The following PLEKHG5 variants were observed in gnomAD, a reference collection of about 807,000 sequenced individuals.
The protein encoded by PLEKHG5 is pleckstrin homology and RhoGEF domain containing G5.
Under a neutral mutation model 103.8 loss-of-function variants are expected in PLEKHG5, and 52 were observed. The observed-to-expected ratio is 0.50, with a 90% confidence interval of 0.40 to 0.63. The LOEUF is 0.63. Ranked by LOEUF, PLEKHG5 falls within the 30% of genes least tolerant of loss-of-function variation. PLEKHG5 has a pLI of 0.00. For synonymous variants in PLEKHG5, 592 were observed against 575.5 expected (o/e 1.03, Z -0.41); for missense variants, 1,205 against 1,347.6 (o/e 0.89, Z 1.66).
At chr1:6,494,118 A>ATTTTTTTT (rs36105555), upstream of PLEKHG5, among the ~76,000 whole-genome samples, 53 of 75,742 alleles carry the variant, frequency 7.0e-4, no homozygotes, top group African/African-American at 5.1e-3. Flanking sequence ...CACCTGGCTA[A>ATTTTTTTT]TTTTTTTTTT....
At position 6,486,634 on chromosome 1, in the gene PLEKHG5, C is replaced by T. The variant is rs1484336197; in HGVS notation, c.-88+5003G>A. On this transcript the variant is annotated intron_variant, in intron 1 of 20. Coordinates refer to ENST00000377728, the MANE Select transcript of PLEKHG5 (RefSeq NM_020631.6). The surrounding 1 kb of genome is among the most constrained non-coding windows in gnomAD (Gnocchi z 5.3). Reference sequence around the variant, plus strand: ...AGGTCCCTGCAGTTCTAGGCCAGGTCCCCACCGCCAGGGGGCACTCAGCAA... The same window carrying T: ...AGGTCCCTGCAGTTCTAGGCCAGGTTCCCACCGCCAGGGGGCACTCAGCAA... Among the ~76,000 whole-genome samples the T allele has an allele frequency of 6.6e-6, 1 of 152,184 alleles. No individual in the cohort carries two copies. The highest frequency in any genetic ancestry group is 2.4e-5 in the African/African-American group (1 of 41,434).
chr1:6,508,327 T>C (rs4908554), intron 1 of PLEKHG5, among the ~76,000 whole-genome samples: 82,965 of 152,086 alleles, frequency 0.55, 23,913 homozygotes, highest in Admixed American at 0.67. Context: ...TCCCTCTGCC[T>C]CCAAATGTGC....
chr1:6,477,755 C>A, intron 1 of PLEKHG5, 97 bp from the exon 2 acceptor site: 1 of 1,341,268 alleles, frequency 7.5e-7, no homozygotes, highest in African/African-American at 1.5e-5. Context: ...AACTGCCCTC[C>A]ATCTCTCGAT....
At position 6,505,340 on chromosome 1, in the gene PLEKHG5, G is replaced by C. The variant is rs1000672637; in HGVS notation, c.-164-8771C>G. Among the ~76,000 whole-genome samples the C allele has an allele frequency of 2.0e-5, 3 of 152,062 alleles. No individual in the cohort carries two copies. The highest frequency in any genetic ancestry group is 7.3e-5 in the African/African-American group (3 of 41,378). On this transcript the variant is annotated intron_variant, in intron 1 of 21. Transcript: ENST00000377740. This position sits in a 1 kb window ranked among gnomAD's most constrained non-coding sequence, Gnocchi z 4.2. Reference sequence around the variant, plus strand: ...ACCAGCTGAGCTGAGCGGACAGAATGGGCATCCGACAGCCAGCACAGGTGC... The same window carrying C: ...ACCAGCTGAGCTGAGCGGACAGAATCGGCATCCGACAGCCAGCACAGGTGC...
intron 12 of PLEKHG5, 104 bp from the exon 13 acceptor site, chr1:6,471,204 C>A: frequency 1.0e-6 from 1 of 957,238 alleles, no homozygotes; most frequent in Non-Finnish European, 1.6e-6. Flanking sequence ...CTTGGGCGAC[C>A]ACCCCAAGGG....
chr1:6,498,504 C>T (rs1569982049), upstream of PLEKHG5, among the ~76,000 whole-genome samples: 1 of 152,238 alleles, frequency 6.6e-6, no homozygotes, highest in East Asian at 1.9e-4. Context: ...CTGAGGATCC[C>T]CATGAGCCAA....
rs547409133 is a variant in PLEKHG5 at position 6,467,462 on chromosome 1, T to C, written c.*101A>G. 1 of 1,145,966 alleles carries C rather than the reference T, an allele frequency of 8.7e-7. No homozygotes were observed. The highest frequency in any genetic ancestry group is 1.7e-5 in the Admixed American group (1 of 59,442). The allele number at this position is 1,145,966 out of a possible 1,614,324, so 71.0% of individuals were successfully genotyped here. ...GGGATCCTGCCCAGCATCCGGCTCATGCATACAGGAGGCAGTAGCTGAAGC... is the reference window on the plus strand; with the variant it reads ...GGGATCCTGCCCAGCATCCGGCTCACGCATACAGGAGGCAGTAGCTGAAGC... On this transcript the variant is annotated 3_prime_UTR_variant, in exon 21 of 21. Coordinates refer to ENST00000377728, the MANE Select transcript of PLEKHG5 (RefSeq NM_020631.6).
At chr1:6,516,903 T>C (rs370301146) in intron 1 of PLEKHG5, among the ~76,000 whole-genome samples, 187 of 10,320 alleles carry the variant, frequency 0.018, 1 homozygote, top group East Asian at 0.049. Context: ...TATATATATA[T>C]ATACACACAC....
At chr1:6,483,378 G>A (rs1644947856) in intron 1 of PLEKHG5, among the ~76,000 whole-genome samples, 1 of 152,208 alleles carries the variant, frequency 6.6e-6, no homozygotes, top group Admixed American at 6.5e-5. Flanking sequence ...TGTGGGGCTT[G>A]AAGTGAGGGT....
At position 6,511,491 on chromosome 1, in the gene PLEKHG5, G is replaced by A. The variant is rs908080122; in HGVS notation, c.-165+7954C>T. On this transcript the variant is annotated intron_variant, in intron 1 of 21. Transcript: ENST00000377740. ...GGAGCCTGGCAAGCCCGAGAGAAAC[G>A]TCTGAAGGGGGCTGGCGGTCACCCA... Among the ~76,000 whole-genome samples, 7 of 152,368 alleles carry A rather than the reference G, an allele frequency of 4.6e-5. No individual in the cohort carries two copies. The South Asian group carries it at 6.2e-4, about 14-fold the overall frequency.
intron 1 of PLEKHG5, among the ~76,000 whole-genome samples, chr1:6,503,621 G>A (rs931708859): frequency 1.3e-5 from 2 of 152,266 alleles, no homozygotes; most frequent in South Asian, 4.1e-4. Flanking sequence ...TGCTGGCCAG[G>A]TTGGTCTTGA....
At position 6,473,052 on chromosome 1, in the gene PLEKHG5, G is replaced by T. The variant is rs111624565; in HGVS notation, c.918C>A (p.Asp306Glu). The T allele has an allele frequency of 8.1e-6, 13 of 1,613,904 alleles. No homozygotes were observed. Among genetic ancestry groups the T allele is most frequent in the Non-Finnish European group, 1.0e-5 (12 of 1,179,898 alleles). ...HDSWEEEYDE[D>E]EDEDNACLRL... Reference sequence around the variant, plus strand: ...TCAGGCAGGCATTGTCCTCATCCTCGTCTTCATCGTACTCCTCCTCCCAGG... The same window carrying T: ...TCAGGCAGGCATTGTCCTCATCCTCTTCTTCATCGTACTCCTCCTCCCAGG... The change falls in exon 9 of 21, where the codon GAC (aspartate) becomes GAA (glutamate). Residue 306 changes from aspartate (D) to glutamate (E), a missense_variant. Coordinates refer to ENST00000377728, the MANE Select transcript of PLEKHG5 (RefSeq NM_020631.6).
chr1:6,490,779 T>A lies in PLEKHG5; in HGVS notation c.-88+858A>T, dbSNP rs1226226633. On this transcript the variant is annotated intron_variant, in intron 1 of 20. Coordinates refer to ENST00000377728, the MANE Select transcript of PLEKHG5 (RefSeq NM_020631.6). This position sits in a 1 kb window ranked among gnomAD's most constrained non-coding sequence, Gnocchi z 8.0. ...CAGGATCCGGGCTCAGGGGAGGGGG[T>A]GGGGGGCGTCACTGTCCCCGAGGGG... Among the ~76,000 whole-genome samples, 1 of 146,938 alleles carries A rather than the reference T, an allele frequency of 6.8e-6. No individual in the cohort carries two copies. The highest frequency in any genetic ancestry group is 1.5e-5 in the Non-Finnish European group (1 of 66,720).
rs751158651 is a variant in PLEKHG5 at position 6,467,999 on chromosome 1, G to A, written c.2837C>T (p.Ala946Val). 12 of 1,552,938 alleles carry A rather than the reference G, an allele frequency of 7.7e-6. No individual in the cohort carries two copies. Among genetic ancestry groups the A allele is most frequent in the Non-Finnish European group, 9.6e-6 (11 of 1,151,094 alleles). The change falls in exon 20 of 21, where the codon GCC becomes GTC. Residue 946 changes from alanine (A) to valine (V), a missense_variant. Physicochemically the swap from Ala to Val is moderately conservative, Grantham distance 64. Transcript: ENST00000377728. ...CCTGTGGGAGCCTGCAGGTTCCCCGGCCAGGCAGCCGACTAGCCCAGGACC... is the reference window on the plus strand; with the variant it reads ...CCTGTGGGAGCCTGCAGGTTCCCCGACCAGGCAGCCGACTAGCCCAGGACC... ...GSGPGLVGCL[A>V]GEPAGSHRKR...
chr1:6,496,188 C>T (rs1373533465), upstream of PLEKHG5, among the ~76,000 whole-genome samples: 12 of 152,224 alleles, frequency 7.9e-5, no homozygotes, highest in Non-Finnish European at 1.5e-4. Flanking sequence ...TTTCCTCATC[C>T]GTGACATAAG....
chr1:6,474,841 A>C (rs1421411098), intron 5 of PLEKHG5: 2 of 671,386 alleles, frequency 3.0e-6, no homozygotes, highest in Non-Finnish European at 5.4e-6. Context: ...TCCTGCATAC[A>C]TGATTAAAAT....
At chr1:6,480,300 G>A (rs1644866197) in intron 1 of PLEKHG5, among the ~76,000 whole-genome samples, 1 of 151,890 alleles carries the variant, frequency 6.6e-6, no homozygotes, top group Middle Eastern at 3.2e-3. Context: ...AGGCCGAGGC[G>A]GGTGGATTGC....
exon 1 of PLEKHG5, chr1:6,519,654 C>T (rs1638720295): frequency 1.4e-6 from 1 of 715,546 alleles, no homozygotes; most frequent in Admixed American, 2.0e-5. Context: ...CCGACTCAGC[C>T]CCAGTCTTAA....
intron 1 of PLEKHG5, chr1:6,485,931 C>G (rs2148614813): frequency 3.0e-6 from 3 of 985,506 alleles, no homozygotes; most frequent in Non-Finnish European, 3.6e-6. Flanking sequence ...CTTGCTCTTT[C>G]TCCTGGGGAG....
Sources: allele counts gnomAD v4.1 joint callset (sites outside exome capture counted in the v4.1 genomes callset), GRCh38; gene constraint gnomAD v4.1.1; non-coding constraint Gnocchi (gnomAD v3.1); transcripts MANE v1.5; gene names NCBI Gene and HGNC (gene_info 2026-07-23, HGNC 2026-07-21).